MYO16: variants seen among roughly 807,000 people sequenced by gnomAD.
MYO16 encodes myosin XVI, also known as unconventional myosin-XVI.
MYO16 carries 94 observed loss-of-function variants against 205.3 expected under a neutral mutation model. The ratio of observed to expected loss-of-function variants is 0.46; its 90% CI spans 0.39 to 0.54. The LOEUF is 0.54. MYO16 is among the 20% of genes least tolerant of loss of function. The pLI is 0.00. For missense variants in MYO16, 2,315 were observed against 2,387.5 expected (o/e 0.97, Z 0.63); for synonymous variants, 988 against 954.0 (o/e 1.04, Z -0.66).
At position 109,055,930 on chromosome 13, in the gene MYO16, A is replaced by G. The variant is rs1887404783; in HGVS notation, c.3335+335A>G. 3 of 179,164 alleles carry G rather than the reference A, an allele frequency of 1.7e-5. No individual in the cohort carries two copies. Among genetic ancestry groups the G allele is most frequent in the Non-Finnish European group, 3.5e-5 (3 of 84,552 alleles). The allele number at this position is 179,164 out of a possible 1,614,324, so 11.1% of individuals were successfully genotyped here. A position where few individuals can be genotyped will look rare whatever the true frequency, so the allele number is the denominator to read the frequency against. ...TTTAAAAGGAGAATGTATGTAAGTG[A>G]TTATTTCCCCTTTTATATATGAACA... On this transcript the variant is annotated intron_variant, in intron 27 of 34. Transcript: ENST00000457511. The surrounding 1 kb of genome is among the most constrained non-coding windows in gnomAD (Gnocchi z 5.0).
the MYO16 span, among the ~76,000 whole-genome samples, chr13:108,550,502 A>G: frequency 6.6e-6 from 1 of 152,194 alleles, no homozygotes; most frequent in East Asian, 1.9e-4. Flanking sequence ...CAGGAGTACA[A>G]ACAAAATTAC....
chr13:108,914,807 T>A (rs1881415380), intron 16 of MYO16, among the ~76,000 whole-genome samples: 1 of 152,156 alleles, frequency 6.6e-6, no homozygotes, highest in Non-Finnish European at 1.5e-5. Context: ...CCCATCTGGC[T>A]GATTTTTGTA....
chr13:108,878,966 C>T (rs1879463163), intron 12 of MYO16, among the ~76,000 whole-genome samples: 2 of 152,204 alleles, frequency 1.3e-5, no homozygotes, highest in Non-Finnish European at 2.9e-5. Flanking sequence ...TTTATCTAGT[C>T]TTTGCACCAG....
chr13:108,594,150 C>T (rs927431283), upstream of MYO16, among the ~76,000 whole-genome samples: 3 of 152,234 alleles, frequency 2.0e-5, no homozygotes, highest in Admixed American at 1.3e-4. Flanking sequence ...TAGCCTGGCT[C>T]TTGTCCTCAC....
At chr13:109,149,769 T>G (rs1012855186) in intron 32 of MYO16, among the ~76,000 whole-genome samples, 3 of 152,218 alleles carry the variant, frequency 2.0e-5, no homozygotes, top group African/African-American at 7.2e-5. Context: ...TCTACCCACC[T>G]GCCATAAAAT....
chr13:108,576,868 C>T, the MYO16 span, among the ~76,000 whole-genome samples: 1 of 152,230 alleles, frequency 6.6e-6, no homozygotes, highest in African/African-American at 2.4e-5. Flanking sequence ...TCAAGTGATC[C>T]TTCCACCTCA....
intron 8 of MYO16, among the ~76,000 whole-genome samples, chr13:108,822,777 G>T (rs1876049966): frequency 6.6e-6 from 1 of 151,986 alleles, no homozygotes; most frequent in African/African-American, 2.4e-5. Flanking sequence ...CTGTAATTTT[G>T]GTTCATAGTC....
chr13:108,966,042 CAA>C (rs1348163963), intron 20 of MYO16, among the ~76,000 whole-genome samples: 1 of 152,082 alleles, frequency 6.6e-6, no homozygotes, highest in African/African-American at 2.4e-5. Context: ...ATTTCAAAGA[CAA>C]GAGGACACTG....
chr13:108,677,334 TGTATATATATATATATATATGC>T (rs747194713), intron 2 of MYO16, among the ~76,000 whole-genome samples: 21,064 of 131,802 alleles, frequency 0.16, 1,755 homozygotes, highest in Non-Finnish European at 0.2. Context: ...TGTGTGTGTG[TGTATATATATATATATATATGC>T]ATATATATAT....
intron 2 of MYO16, among the ~76,000 whole-genome samples, chr13:108,696,385 T>C (rs190299645): frequency 2.0e-5 from 3 of 152,268 alleles, no homozygotes; most frequent in Non-Finnish European, 2.9e-5. Flanking sequence ...ACTTATATAA[T>C]GGAATCCTAC....
chr13:108,759,593 G>A (rs1212683183), intron 4 of MYO16, among the ~76,000 whole-genome samples: 1 of 152,128 alleles, frequency 6.6e-6, no homozygotes, highest in Non-Finnish European at 1.5e-5. Context: ...AGGCCGAGGT[G>A]GGCGGATCAC....
intron 15 of MYO16, among the ~76,000 whole-genome samples, chr13:108,909,481 A>C (rs541739265): frequency 1.8e-4 from 27 of 151,826 alleles, no homozygotes; most frequent in Non-Finnish European, 3.4e-4. Context: ...TTCAAATTGC[A>C]TTTTCCTTTG....
At chr13:109,073,635 C>T (rs1328951267) in intron 27 of MYO16, among the ~76,000 whole-genome samples, 2 of 152,116 alleles carry the variant, frequency 1.3e-5, no homozygotes, top group Admixed American at 1.3e-4. Flanking sequence ...TTTATTAGGC[C>T]ACTGACTGCC....
At chr13:108,911,646 G>A (rs897645600) in intron 16 of MYO16, among the ~76,000 whole-genome samples, 8 of 152,160 alleles carry the variant, frequency 5.3e-5, no homozygotes, top group African/African-American at 1.9e-4. Flanking sequence ...GGAAGTGATT[G>A]GGGGTTTTGA....
chr13:108,776,126 C>G (rs1886116480), intron 4 of MYO16, among the ~76,000 whole-genome samples: 2 of 152,174 alleles, frequency 1.3e-5, no homozygotes, highest in Admixed American at 6.5e-5. Flanking sequence ...AAGGTGTTAT[C>G]TCCAAATGCA....
intron 1 of MYO16, among the ~76,000 whole-genome samples, chr13:108,647,561 C>A (rs904609988): frequency 5.9e-5 from 9 of 152,296 alleles, no homozygotes; most frequent in Admixed American, 1.3e-4. Context: ...CCTATAACTT[C>A]TGCCTTTTTT....
At chr13:108,561,126 G>C in the MYO16 span, among the ~76,000 whole-genome samples, 1 of 152,234 alleles carries the variant, frequency 6.6e-6, no homozygotes, top group Non-Finnish European at 1.5e-5. Flanking sequence ...GGGTCTGTCT[G>C]TGATGTGTCA....
intron 34 of MYO16, among the ~76,000 whole-genome samples, chr13:109,192,958 A>G (rs1343832731): frequency 1.3e-5 from 2 of 152,126 alleles, no homozygotes; most frequent in African/African-American, 2.4e-5. Context: ...AGCTTCCATT[A>G]TTCAATAATC....
intron 10 of MYO16, among the ~76,000 whole-genome samples, chr13:108,844,994 G>A (rs1877445566): frequency 6.6e-6 from 1 of 152,040 alleles, no homozygotes. Flanking sequence ...GTTATGGGAG[G>A]TAATTTTGGA....
Sources: gnomAD v4.1 joint callset for allele counts (sites outside exome capture counted in the v4.1 genomes callset) on GRCh38, gnomAD v4.1.1 for gene constraint, Gnocchi (gnomAD v3.1) non-coding constraint, MANE v1.5 for transcripts, NCBI Gene and HGNC (gene_info 2026-07-23, HGNC 2026-07-21) for gene names.